Variants in MBOAT2 observed in about 807,000 individuals in gnomAD.
MBOAT2 encodes membrane-bound glycerophospholipid O-acyltransferase 2.
In MBOAT2, 28 loss-of-function variants were observed where a neutral mutation model predicts 63.4. That is an observed-to-expected ratio of 0.44 (90% CI 0.33 to 0.61). The LOEUF (loss-of-function observed/expected upper bound fraction) is 0.61. Among genes scored for constraint, MBOAT2 ranks in the 20% least tolerant of loss-of-function variants. MBOAT2 has a pLI of 0.03. For missense variants in MBOAT2, 470 were observed against 605.8 expected (o/e 0.78, Z 2.35); for synonymous variants, 211 against 215.6 (o/e 0.98, Z 0.19).
chr2:8,953,022 T>A (rs1302686866), intron 2 of MBOAT2, among the ~76,000 whole-genome samples: 1 of 152,208 alleles, frequency 6.6e-6, no homozygotes, highest in East Asian at 1.9e-4. Context: ...CATTGTTACC[T>A]GGTTGCTTTG....
chr2:8,958,431 C>A, intron 2 of MBOAT2, 66 bp downstream of exon 2: 2 of 1,411,468 alleles, frequency 1.4e-6, no homozygotes, highest in Non-Finnish European at 1.9e-6. Flanking sequence ...TGTATCTTTC[C>A]ACACACTCAA....
intron 8 of MBOAT2, among the ~76,000 whole-genome samples, chr2:8,871,632 A>G (rs186202387): frequency 3.3e-5 from 5 of 152,370 alleles, no homozygotes; most frequent in African/African-American, 1.2e-4. Context: ...AAGAAATCTT[A>G]GATTAAAATC....
At chr2:8,979,977 T>C (rs1671088148) in intron 1 of MBOAT2, among the ~76,000 whole-genome samples, 1 of 152,192 alleles carries the variant, frequency 6.6e-6, no homozygotes, top group East Asian at 1.9e-4. Context: ...AATATCACAT[T>C]TTATACCAAC....
intron 3 of MBOAT2, among the ~76,000 whole-genome samples, chr2:8,912,965 A>G (rs1558607828): frequency 6.6e-6 from 1 of 152,232 alleles, no homozygotes; most frequent in Non-Finnish European, 1.5e-5. Flanking sequence ...ATAGTCACAA[A>G]AACAGCATGG....
At chr2:8,868,919 G>T (rs867786724) in intron 8 of MBOAT2, among the ~76,000 whole-genome samples, 2 of 152,168 alleles carry the variant, frequency 1.3e-5, no homozygotes, top group East Asian at 3.8e-4. Flanking sequence ...TTTGCTCTGG[G>T]AGCACCATGT....
intron 1 of MBOAT2, among the ~76,000 whole-genome samples, chr2:8,980,799 T>C (rs558203505): frequency 6.6e-6 from 1 of 152,246 alleles, no homozygotes; most frequent in Non-Finnish European, 1.5e-5. Flanking sequence ...GGAAAACAGT[T>C]CCTCAAAATG....
intron 7 of MBOAT2, 102 bp from the exon 8 acceptor site, chr2:8,873,402 C>T (rs1662479751): frequency 4.2e-6 from 5 of 1,177,582 alleles, no homozygotes; most frequent in African/African-American, 1.5e-5. Context: ...ATCATCAGTC[C>T]TACAACTCTC....
At chr2:8,952,114 T>C (rs1231302082) in intron 2 of MBOAT2, among the ~76,000 whole-genome samples, 2 of 152,230 alleles carry the variant, frequency 1.3e-5, no homozygotes, top group Non-Finnish European at 2.9e-5. Context: ...TTTTGGTATA[T>C]TGTGTCTCTG....
At chr2:8,936,824 AAAAAAAAGAAAG>A (rs1369536159) in intron 3 of MBOAT2, among the ~76,000 whole-genome samples, 2 of 144,774 alleles carry the variant, frequency 1.4e-5, no homozygotes, top group African/African-American at 2.6e-5. Context: ...AAAGAAAAGA[AAAAAAAAGAAAG>A]AAAGAAAGAA....
At chr2:8,957,286 G>T (rs2103272254) in intron 2 of MBOAT2, among the ~76,000 whole-genome samples, 1 of 152,204 alleles carries the variant, frequency 6.6e-6, no homozygotes, top group South Asian at 2.1e-4. Flanking sequence ...AGTTTAAATA[G>T]TATCACCTGA....
At chr2:8,935,023 T>C (rs979673964) in intron 3 of MBOAT2, among the ~76,000 whole-genome samples, 41 of 152,194 alleles carry the variant, frequency 2.7e-4, no homozygotes, top group Non-Finnish European at 7.3e-5. Flanking sequence ...CAGGACAGTC[T>C]GCTCTTCAGG....
intron 2 of MBOAT2, among the ~76,000 whole-genome samples, chr2:8,952,527 C>T (rs1219408942): frequency 3.9e-5 from 6 of 152,098 alleles, no homozygotes; most frequent in Admixed American, 2.6e-4. Flanking sequence ...AGTTAAAGTT[C>T]CCCACTATTA....
At chr2:8,996,288 T>C (rs968084490) in intron 1 of MBOAT2, among the ~76,000 whole-genome samples, 2 of 152,230 alleles carry the variant, frequency 1.3e-5, no homozygotes, top group African/African-American at 4.8e-5. Context: ...AAATCAACTA[T>C]TCTTTCAAAA....
rs1468049852 is a variant in MBOAT2, at chr2:9,003,521, CCAGGGCG to C, written c.75+12_75+18del. ...GGCGGCGAGGGCGCGACGCCCGGCGCCAGGGCGCCTCGGGGTACCTGGTCGATGGGCA... is the reference window on the plus strand; with the variant it reads ...GGCGGCGAGGGCGCGACGCCCGGCGCCCTCGGGGTACCTGGTCGATGGGCA... On this transcript the variant is annotated intron_variant, in intron 1 of 12. Transcript: ENST00000305997. This position sits in a 1 kb window ranked among gnomAD's most constrained non-coding sequence, Gnocchi z 5.4. The C allele has an allele frequency of 2.5e-6, 3 of 1,191,338 alleles. No individual in the cohort carries two copies. Among genetic ancestry groups the C allele is most frequent in the Non-Finnish European group, 3.1e-6 (3 of 962,000 alleles). The allele number at this position is 1,191,338 out of a possible 1,614,324, so 73.8% of individuals were successfully genotyped here.
chr2:8,869,341 C>T (rs1662143605), intron 8 of MBOAT2, among the ~76,000 whole-genome samples: 1 of 152,072 alleles, frequency 6.6e-6, no homozygotes, highest in Non-Finnish European at 1.5e-5. Flanking sequence ...GCTACCGCAC[C>T]CGACCCAGAA....
intron 1 of MBOAT2, among the ~76,000 whole-genome samples, chr2:8,969,381 T>C (rs1439099151): frequency 6.6e-6 from 1 of 152,122 alleles, no homozygotes; most frequent in African/African-American, 2.4e-5. Flanking sequence ...GCACTAAACA[T>C]GGAGAGGAAC....
At chr2:8,915,936 C>G (rs1666139639) in intron 3 of MBOAT2, among the ~76,000 whole-genome samples, 1 of 152,084 alleles carries the variant, frequency 6.6e-6, no homozygotes, top group African/African-American at 2.4e-5. Flanking sequence ...CTATGGTATC[C>G]CCATCACTGT....
intron 1 of MBOAT2, among the ~76,000 whole-genome samples, chr2:8,982,008 C>T (rs1321457999): frequency 2.0e-5 from 3 of 152,142 alleles, no homozygotes; most frequent in African/African-American, 7.2e-5. Flanking sequence ...CTAAGCGATG[C>T]TGGGTACATA....
At chr2:8,980,267 G>C (rs2103334425) in intron 1 of MBOAT2, among the ~76,000 whole-genome samples, 1 of 152,252 alleles carries the variant, frequency 6.6e-6, no homozygotes, top group African/African-American at 2.4e-5. Flanking sequence ...GGGAATGTGT[G>C]CCACAGGAAT....
Sources: allele counts gnomAD v4.1 joint callset (sites outside exome capture counted in the v4.1 genomes callset), GRCh38; gene constraint gnomAD v4.1.1; non-coding constraint Gnocchi (gnomAD v3.1); transcripts MANE v1.5; gene names NCBI Gene and HGNC (gene_info 2026-07-23, HGNC 2026-07-21).